Variants in FAM180A observed in about 807,000 individuals in gnomAD.
The protein encoded by FAM180A is family with sequence similarity 180 member A, also known as protein FAM180A.
A neutral mutation model predicts 15.3 loss-of-function variants in FAM180A; 14 were observed. The ratio of observed to expected loss-of-function variants is 0.92; its 90% CI spans 0.61 to 1.43. The LOEUF is 1.43. Among genes scored for constraint, FAM180A ranks in the 40% most tolerant of loss-of-function variants. FAM180A has a pLI of 0.00. For synonymous variants in FAM180A, 90 were observed against 96.8 expected (o/e 0.93, Z 0.41); for missense variants, 200 against 220.8 (o/e 0.91, Z 0.60).
chr7:135,740,412 C>G (rs1271564593), intron 1 of FAM180A, among the ~76,000 whole-genome samples: 1 of 152,196 alleles, frequency 6.6e-6, no homozygotes, highest in African/African-American at 2.4e-5. Flanking sequence ...TGTGGCCGCT[C>G]TTTGTTTAGA....
chr7:135,745,912 C>T (rs868074320), intron 1 of FAM180A, among the ~76,000 whole-genome samples: 1 of 151,474 alleles, frequency 6.6e-6, no homozygotes, highest in South Asian at 2.1e-4. Flanking sequence ...ATGAATAATA[C>T]ATTTGGAAAA....
At chr7:135,742,340 G>T (rs546423269) in intron 1 of FAM180A, among the ~76,000 whole-genome samples, 1 of 152,306 alleles carries the variant, frequency 6.6e-6, no homozygotes, top group East Asian at 1.9e-4. Flanking sequence ...GGACCCCACC[G>T]GAAATGCTGA....
intron 3 of FAM180A, among the ~76,000 whole-genome samples, chr7:135,731,921 C>T (rs2129495855): frequency 6.6e-6 from 1 of 152,280 alleles, no homozygotes; most frequent in African/African-American, 2.4e-5. Flanking sequence ...CCAATAAATC[C>T]TCACTCATTC....
intron 1 of FAM180A, among the ~76,000 whole-genome samples, chr7:135,737,613 G>GAAAAAA (rs150431266): frequency 2.4e-5 from 3 of 127,142 alleles, no homozygotes. Context: ...AAAAAAGAAA[G>GAAAAAA]AAAAAAAAAA....
At position 135,734,152 on chromosome 7, in the gene FAM180A, A is replaced by C; in HGVS notation, c.345T>G (p.Pro115=). Residue 115 remains proline, a synonymous_variant, in exon 3 of 4, where the codon CCT becomes CCG. Coordinates refer to ENST00000338588, the MANE Select transcript of FAM180A (RefSeq NM_205855.4). ...CAAAGTCTTCTTTCTTGAGGATGCC[A>C]GGGTGGCTGGAGAGGCTGGCGCTGA... ...RRLSASLSSH[P]GILKKEDFER... 2 of 1,614,190 alleles carry C rather than the reference A, an allele frequency of 1.2e-6. No individual in the cohort carries two copies. The highest frequency in any genetic ancestry group is 1.7e-6 in the Non-Finnish European group (2 of 1,180,030).
intron 1 of FAM180A, among the ~76,000 whole-genome samples, chr7:135,742,355 T>G (rs2129496184): frequency 6.6e-6 from 1 of 152,310 alleles, no homozygotes; most frequent in South Asian, 2.1e-4. Context: ...TGCTGATGGC[T>G]GAAACAAGGG....
At chr7:135,748,453 T>G (rs946680939) in intron 1 of FAM180A, 52 bp downstream of exon 1, 2 of 1,473,934 alleles carry the variant, frequency 1.4e-6, no homozygotes, top group Non-Finnish European at 1.9e-6. Context: ...TGAATTGCAT[T>G]GAAGAAAGTA....
At chr7:135,731,202 G>T (rs114721597) in intron 3 of FAM180A, among the ~76,000 whole-genome samples, 3,757 of 152,098 alleles carry the variant, frequency 0.025, 155 homozygotes, top group African/African-American at 0.086. Context: ...CTCGGGGCGG[G>T]ATACAAGACT....
At chr7:135,733,013 A>G (rs1796810569) in intron 3 of FAM180A, among the ~76,000 whole-genome samples, 1 of 152,204 alleles carries the variant, frequency 6.6e-6, no homozygotes, top group Admixed American at 6.5e-5. Context: ...CTATTCAAAG[A>G]CAAGGAATGG....
intron 1 of FAM180A, among the ~76,000 whole-genome samples, chr7:135,738,298 A>T (rs1360862944): frequency 6.6e-6 from 1 of 152,186 alleles, no homozygotes; most frequent in Non-Finnish European, 1.5e-5. Context: ...GGTTCAAGTG[A>T]TTCTCCTGCC....
At chr7:135,731,206 C>T (rs185056689) in intron 3 of FAM180A, among the ~76,000 whole-genome samples, 5 of 152,188 alleles carry the variant, frequency 3.3e-5, no homozygotes, top group African/African-American at 9.6e-5. Context: ...GGGCGGGATA[C>T]AAGACTGACT....
At chr7:135,743,747 G>A (rs1004123131) in intron 1 of FAM180A, among the ~76,000 whole-genome samples, 2 of 152,162 alleles carry the variant, frequency 1.3e-5, no homozygotes, top group East Asian at 1.9e-4. Context: ...TCACTAGAGG[G>A]TATGGGATTT....
chr7:135,739,214 G>T (rs1796911776), intron 1 of FAM180A, among the ~76,000 whole-genome samples: 1 of 150,778 alleles, frequency 6.6e-6, no homozygotes, highest in South Asian at 2.1e-4. Flanking sequence ...GGAGGCTGAG[G>T]CAGGAGAATT....
chr7:135,739,943 G>T (rs1013578244), intron 1 of FAM180A, among the ~76,000 whole-genome samples: 1 of 152,208 alleles, frequency 6.6e-6, no homozygotes, highest in Non-Finnish European at 1.5e-5. Flanking sequence ...CCAAATCCCT[G>T]CACTAATGGT....
At chr7:135,730,755 T>C (rs955146506) in intron 3 of FAM180A, among the ~76,000 whole-genome samples, 27 of 152,164 alleles carry the variant, frequency 1.8e-4, no homozygotes, top group Non-Finnish European at 3.5e-4. Flanking sequence ...CTAGTCTACA[T>C]TTCTACTACT....
intron 1 of FAM180A, among the ~76,000 whole-genome samples, chr7:135,747,389 T>C (rs371165050): frequency 1.3e-3 from 196 of 152,304 alleles, no homozygotes; most frequent in African/African-American, 4.1e-3. Flanking sequence ...GTATTATTTG[T>C]TTCTGGGCAA....
chr7:135,737,330 T>A (rs1796886375), intron 1 of FAM180A, 131 bp from the exon 2 acceptor site: 1 of 666,424 alleles, frequency 1.5e-6, no homozygotes, highest in Non-Finnish European at 2.4e-6. Flanking sequence ...CTCATGCCTC[T>A]AATTCCAGCC....
intron 1 of FAM180A, among the ~76,000 whole-genome samples, chr7:135,743,257 T>C (rs982771444): frequency 1.3e-5 from 2 of 149,728 alleles, no homozygotes; most frequent in Admixed American, 6.8e-5. Flanking sequence ...AGTCTTGCTC[T>C]GTCGCCCACG....
At chr7:135,735,572 T>C (rs976767020) in intron 2 of FAM180A, among the ~76,000 whole-genome samples, 1 of 152,196 alleles carries the variant, frequency 6.6e-6, no homozygotes, top group Non-Finnish European at 1.5e-5. Context: ...CTTTCTAAAA[T>C]ATAGATCTCT....
Sources: gnomAD v4.1 joint callset for allele counts (sites outside exome capture counted in the v4.1 genomes callset) on GRCh38, gnomAD v4.1.1 for gene constraint, MANE v1.5 for transcripts, NCBI Gene and HGNC (gene_info 2026-07-23, HGNC 2026-07-21) for gene names.